The following ARHGEF3 variants were observed in gnomAD, a reference collection of about 807,000 sequenced individuals.
ARHGEF3 encodes the protein Rho guanine nucleotide exchange factor 3, also known as 59.8 kDA protein.
In ARHGEF3, 28 loss-of-function variants were observed where a neutral mutation model predicts 63.2. That is an observed-to-expected ratio of 0.44 (90% CI 0.33 to 0.61). The LOEUF is 0.61. Ranked by LOEUF, ARHGEF3 falls within the 20% of genes least tolerant of loss-of-function variation. The pLI is 0.03. For synonymous variants in ARHGEF3, 266 were observed against 254.2 expected (o/e 1.05, Z -0.44); for missense variants, 533 against 659.3 (o/e 0.81, Z 2.10).
intron 1 of ARHGEF3, among the ~76,000 whole-genome samples, chr3:57,077,641 A>G (rs1198480323): frequency 6.6e-6 from 1 of 152,190 alleles, no homozygotes; most frequent in Admixed American, 6.5e-5. Flanking sequence ...ACCCTTAAAT[A>G]GACTCCCACA....
intron 1 of ARHGEF3, among the ~76,000 whole-genome samples, chr3:57,051,327 A>C (rs979302981): frequency 6.6e-6 from 1 of 151,932 alleles, no homozygotes; most frequent in Admixed American, 6.6e-5. Flanking sequence ...ATCTCTACTA[A>C]AAATACAAAA....
intron 3 of ARHGEF3, among the ~76,000 whole-genome samples, chr3:56,883,997 T>A (rs2108263774): frequency 6.6e-6 from 1 of 152,330 alleles, no homozygotes; most frequent in East Asian, 1.9e-4. Context: ...TGCTGGGCCC[T>A]GTGTTCACTC....
chr3:56,879,635 C>T (rs970007175), intron 4 of ARHGEF3, among the ~76,000 whole-genome samples: 21 of 144,234 alleles, frequency 1.5e-4, no homozygotes, highest in Admixed American at 1.4e-3. Flanking sequence ...ATGAGTCATC[C>T]ATTGGGACCC....
intron 4 of ARHGEF3, among the ~76,000 whole-genome samples, chr3:56,867,668 G>A (rs920904840): frequency 2.0e-5 from 3 of 151,992 alleles, no homozygotes; most frequent in South Asian, 2.1e-4. Flanking sequence ...ACAGGGTTTC[G>A]TCGTGTTGCC....
intron 1 of ARHGEF3, among the ~76,000 whole-genome samples, chr3:57,075,962 C>T (rs1706201506): frequency 6.6e-6 from 1 of 152,218 alleles, no homozygotes; most frequent in Non-Finnish European, 1.5e-5. Context: ...CATGAAGAAA[C>T]TGACTCAATA....
chr3:57,000,926 C>T lies in ARHGEF3; in HGVS notation c.62+34162G>A, dbSNP rs11920976. ...TCATACTATATTATACCTATATAACCTTCTGCAATTTTATTTTTTAATTTT... is the reference window on the plus strand; with the variant it reads ...TCATACTATATTATACCTATATAACTTTCTGCAATTTTATTTTTTAATTTT... On this transcript the variant is annotated intron_variant, in intron 2 of 12. Transcript: ENST00000338458. Among the ~76,000 whole-genome samples, 876 of 151,992 alleles carry T rather than the reference C, an allele frequency of 5.8e-3. 9 individuals are homozygous for T. The highest frequency in any genetic ancestry group is 8.8e-3 in the Non-Finnish European group (599 of 67,992).
chr3:56,923,046 AT>A (rs755528766), intron 3 of ARHGEF3, among the ~76,000 whole-genome samples: 35,479 of 71,966 alleles, frequency 0.49, 6,201 homozygotes, highest in East Asian at 0.61. Flanking sequence ...ATATATATAT[AT>A]ATATATATAT....
At chr3:56,977,383 G>C (rs1701166467) in intron 2 of ARHGEF3, 1 of 451,474 alleles carries the variant, frequency 2.2e-6, no homozygotes, top group Non-Finnish European at 4.5e-6. Flanking sequence ...CCTGGGAACA[G>C]GGCCAGCACT....
chr3:56,971,756 A>C (rs913194118), intron 2 of ARHGEF3, among the ~76,000 whole-genome samples: 1 of 152,034 alleles, frequency 6.6e-6, no homozygotes, highest in Admixed American at 6.6e-5. Context: ...CGGGAGGCTG[A>C]GGCAGGAGAA....
At chr3:56,968,223 A>AAT (rs574561116) in intron 2 of ARHGEF3, among the ~76,000 whole-genome samples, 8 of 35,540 alleles carry the variant, frequency 2.3e-4, no homozygotes, top group African/African-American at 7.1e-4. Flanking sequence ...TATTATATAT[A>AAT]ATATATATAT....
chr3:56,747,274 A>T (rs1353859236), intron 6 of ARHGEF3, among the ~76,000 whole-genome samples: 4 of 152,102 alleles, frequency 2.6e-5, no homozygotes, highest in Non-Finnish European at 5.9e-5. Flanking sequence ...CTAGTGAGGA[A>T]CCTCGACCAC....
intron 1 of ARHGEF3, among the ~76,000 whole-genome samples, chr3:56,787,198 A>G (rs1386514206): frequency 6.6e-6 from 1 of 152,064 alleles, no homozygotes; most frequent in African/African-American, 2.4e-5. Context: ...GATGAAGTGG[A>G]AGGTTCTTCT....
At chr3:56,840,423 G>A (rs1310475349) in intron 4 of ARHGEF3, among the ~76,000 whole-genome samples, 1 of 152,220 alleles carries the variant, frequency 6.6e-6, no homozygotes, top group Non-Finnish European at 1.5e-5. Context: ...CACTCTACAG[G>A]TAAGAAGGTT....
chr3:56,869,196 G>A (rs971191548), intron 4 of ARHGEF3, among the ~76,000 whole-genome samples: 4 of 152,138 alleles, frequency 2.6e-5, no homozygotes, highest in African/African-American at 9.7e-5. Flanking sequence ...TATTATAAGG[G>A]GAAAAGGTCA....
At chr3:56,893,986 AACCGGTC>A (rs1328116054) in intron 3 of ARHGEF3, among the ~76,000 whole-genome samples, 2 of 152,210 alleles carry the variant, frequency 1.3e-5, no homozygotes, top group African/African-American at 4.8e-5. Context: ...GGAGTATCAG[AACCGGTC>A]ACTCGTGTAG....
intron 2 of ARHGEF3, among the ~76,000 whole-genome samples, chr3:56,998,208 C>G (rs1439736110): frequency 6.6e-6 from 1 of 152,092 alleles, no homozygotes; most frequent in African/African-American, 2.4e-5. Context: ...CACAAACACA[C>G]AAAAGAAAAT....
chr3:56,748,408 G>A (rs1559900791), intron 6 of ARHGEF3, among the ~76,000 whole-genome samples: 1 of 152,134 alleles, frequency 6.6e-6, no homozygotes, highest in Non-Finnish European at 1.5e-5. Flanking sequence ...ACGAGAGTCT[G>A]AAGCTTGTTC....
intron 1 of ARHGEF3, among the ~76,000 whole-genome samples, chr3:57,050,513 G>C (rs1052402817): frequency 6.6e-6 from 1 of 152,160 alleles, no homozygotes; most frequent in African/African-American, 2.4e-5. Context: ...AGAGAGAACT[G>C]GGGGGATGAA....
intron 3 of ARHGEF3, chr3:56,940,684 GGCA>G (rs1319899063): frequency 6.6e-6 from 1 of 150,696 alleles, no homozygotes; most frequent in Non-Finnish European, 1.5e-5. Flanking sequence ...TTTATGAGGG[GGCA>G]GCTCACATTT....
Sources: allele counts gnomAD v4.1 joint callset (sites outside exome capture counted in the v4.1 genomes callset), GRCh38; gene constraint gnomAD v4.1.1; transcripts MANE v1.5; gene names NCBI Gene and HGNC (gene_info 2026-07-23, HGNC 2026-07-21).